Variants in ARHGEF40 observed in about 807,000 individuals in gnomAD.
ARHGEF40 encodes Rho guanine nucleotide exchange factor 40, also known as Rho guanine nucleotide exchange factor (GEF) 40.
Under a neutral mutation model 165.9 loss-of-function variants are expected in ARHGEF40, and 98 were observed. The ratio of observed to expected loss-of-function variants is 0.59; its 90% CI spans 0.50 to 0.70. The LOEUF is 0.70. Among genes scored for constraint, ARHGEF40 ranks in the 30% least tolerant of loss-of-function variants. ARHGEF40 has a pLI of 0.00. For synonymous variants in ARHGEF40, 792 were observed against 814.3 expected (o/e 0.97, Z 0.47); for missense variants, 1,815 against 1,968.0 (o/e 0.92, Z 1.47).
chr14:21,085,537 G>C (rs1888264038), intron 18 of ARHGEF40, 152 bp from the exon 19 acceptor site: 2 of 872,486 alleles, frequency 2.3e-6, no homozygotes, highest in Non-Finnish European at 3.4e-6. Flanking sequence ...TTGTTACGAA[G>C]ACTAAACGTA....
At position 21,090,071 on chromosome 14, in the gene ARHGEF40, C is replaced by T. The variant is rs1489052575; in HGVS notation, c.*1063C>T. The T allele has an allele frequency of 1.9e-5, 6 of 324,232 alleles. No homozygotes were observed. In the Admixed American group the frequency reaches 2.2e-4, roughly 12 times the overall value. The allele number at this position is 324,232 out of a possible 1,614,324, so 20.1% of individuals were successfully genotyped here. A position where few individuals can be genotyped will look rare whatever the true frequency, so the allele number is the denominator to read the frequency against. On this transcript the variant is annotated 3_prime_UTR_variant, in exon 24 of 24. Transcript: ENST00000298694. The surrounding 1 kb of genome is among the most constrained non-coding windows in gnomAD (Gnocchi z 4.4). ...CAGGACATAGGTAGGCAGACAGACACAGGGCCCTGTGCCTCAAGACACCTG... is the reference window on the plus strand; with the variant it reads ...CAGGACATAGGTAGGCAGACAGACATAGGGCCCTGTGCCTCAAGACACCTG...
At position 21,088,073 on chromosome 14, in the gene ARHGEF40, G is replaced by C. The variant is rs114938147; in HGVS notation, c.4493G>C (p.Arg1498Pro). The part of the protein sequence containing the change: ...PGSSTPTLAS[R>P]GILGLSRQSH... ...AGCAGCACTCCCACCCTGGCCAGTCGAGGGATCTTAGGGCTATCCCGACAG... is the reference window on the plus strand; with the variant it reads ...AGCAGCACTCCCACCCTGGCCAGTCCAGGGATCTTAGGGCTATCCCGACAG... The change falls in exon 22 of 24, where the codon CGA becomes CCA. Residue 1498 changes from arginine (R) to proline (P), a missense_variant. Arg to Pro is a moderately radical substitution (Grantham distance 103, BLOSUM62 -2). Transcript: ENST00000298694. The C allele has an allele frequency of 6.2e-7, 1 of 1,613,386 alleles. No individual in the cohort carries two copies. The highest frequency in any genetic ancestry group is 1.3e-5 in the African/African-American group (1 of 74,890).
At chr14:21,063,867 G>A in the ARHGEF40 span, among the ~76,000 whole-genome samples, 4 of 152,202 alleles carry the variant, frequency 2.6e-5, no homozygotes, top group Non-Finnish European at 5.9e-5. Context: ...CAGTGAGAGG[G>A]AATTTACCTA....
the ARHGEF40 span, among the ~76,000 whole-genome samples, chr14:21,063,170 CA>C: frequency 5.9e-5 from 9 of 151,668 alleles, no homozygotes; most frequent in Non-Finnish European, 8.8e-5. Flanking sequence ...GGATTTTAAG[CA>C]ACCAGTTTCT....
intron 15 of ARHGEF40, 93 bp downstream of exon 15, chr14:21,082,571 C>A: frequency 7.3e-7 from 1 of 1,364,308 alleles, no homozygotes; most frequent in Non-Finnish European, 9.8e-7. Context: ...ACGGCCCTCT[C>A]CTCCCATGTG....
chr14:21,070,331 G>C lies in ARHGEF40; in HGVS notation c.-66G>C. On this transcript the variant is annotated 5_prime_UTR_variant, in exon 1 of 24. Coordinates refer to ENST00000298694, the MANE Select transcript of ARHGEF40 (RefSeq NM_018071.5). This position sits in a 1 kb window ranked among gnomAD's most constrained non-coding sequence, Gnocchi z 4.7. The stretch of plus-strand genomic sequence containing the variant: ...ACCCGGCGAGACACGAGCGGCGGGA[G>C]GGAGGCGGTGGCGCGCCCGGCCCCG... The C allele has an allele frequency of 7.2e-7, 1 of 1,395,658 alleles. No homozygotes were observed. The highest frequency in any genetic ancestry group is 9.3e-7 in the Non-Finnish European group (1 of 1,079,004). 86.5% of individuals were successfully genotyped at this position (1,395,658 alleles called of 1,614,324 possible).
chr14:21,068,280 T>C (rs1232163890), upstream of ARHGEF40, among the ~76,000 whole-genome samples: 1 of 12,230 alleles, frequency 8.2e-5, no homozygotes, highest in African/African-American at 1.2e-4. Context: ...ATTACAGGCG[T>C]GAGCCACCGC....
At chr14:21,068,419 C>T (rs1186020673), upstream of ARHGEF40, among the ~76,000 whole-genome samples, 1 of 151,948 alleles carries the variant, frequency 6.6e-6, no homozygotes, top group Admixed American at 6.6e-5. Context: ...CCTTGGAGTC[C>T]AATGGACAAC....
chr14:21,070,867 G>A lies in ARHGEF40; in HGVS notation c.3+468G>A. 6.5e-7 allele frequency: 1 copy of A among 1,535,608 alleles called. No homozygotes were observed. Among genetic ancestry groups the A allele is most frequent in the Non-Finnish European group, 8.7e-7 (1 of 1,146,838 alleles). ...CATTTTCCATCCCTGTCCCCAACCC[G>A]GTGAGGCAGGCCCACCCATCCGGCC... On this transcript the variant is annotated intron_variant, in intron 1 of 23. Coordinates refer to ENST00000298694, the MANE Select transcript of ARHGEF40 (RefSeq NM_018071.5). This position sits in a 1 kb window ranked among gnomAD's most constrained non-coding sequence, Gnocchi z 4.7.
upstream of ARHGEF40, among the ~76,000 whole-genome samples, chr14:21,069,240 A>G (rs1281098731): frequency 2.0e-5 from 3 of 152,138 alleles, no homozygotes; most frequent in Non-Finnish European, 4.4e-5. Context: ...TCTCATTCAG[A>G]CACTGTCGGG....
rs749040417 is a variant in ARHGEF40 at position 21,082,351 on chromosome 14, G to A, written c.3359G>A (p.Arg1120Gln). ...PPGPELTPEL[R>Q]GTWAAALSAR... ...GGGCCTGAGCTGACGCCTGAACTTCGGGGCACCTGGGCTGCTGCCCTGAGT... is the reference window on the plus strand; with the variant it reads ...GGGCCTGAGCTGACGCCTGAACTTCAGGGCACCTGGGCTGCTGCCCTGAGT... Residue 1120 changes from arginine to glutamine, a missense_variant, in exon 15 of 24, where the codon CGG (arginine) becomes CAG (glutamine). Physicochemically the swap from Arg to Gln is conservative, Grantham distance 43 (BLOSUM62 1). Coordinates refer to ENST00000298694, the MANE Select transcript of ARHGEF40 (RefSeq NM_018071.5). 23 of 1,612,082 alleles carry A rather than the reference G, an allele frequency of 1.4e-5. No individual in the cohort carries two copies. The highest frequency in any genetic ancestry group is 4.4e-5 in the South Asian group (4 of 91,062).
intron 21 of ARHGEF40, 169 bp downstream of exon 21, chr14:21,087,632 T>C: frequency 1.1e-6 from 1 of 945,962 alleles, no homozygotes; most frequent in East Asian, 2.6e-5. Flanking sequence ...GCTAGGGTGA[T>C]GCTTACAACA....
At position 21,075,830 on chromosome 14, in the gene ARHGEF40, C is replaced by T. The variant is rs1887375559; in HGVS notation, c.1739+65C>T. 6.4e-7 allele frequency: 1 copy of T among 1,570,438 alleles called. No individual in the cohort carries two copies. Among genetic ancestry groups the T allele is most frequent in the East Asian group, 2.2e-5 (1 of 44,446 alleles). Reference sequence around the variant, plus strand: ...CCTGATTCATGAGGACCCTCACCTCCTTCTTCTCAGGACACTGACCTTCTG... The same window carrying T: ...CCTGATTCATGAGGACCCTCACCTCTTTCTTCTCAGGACACTGACCTTCTG... On this transcript the variant is annotated intron_variant, in intron 5 of 23. Coordinates refer to ENST00000298694, the MANE Select transcript of ARHGEF40 (RefSeq NM_018071.5). The surrounding 1 kb of genome is among the most constrained non-coding windows in gnomAD (Gnocchi z 4.5).
intron 16 of ARHGEF40, among the ~76,000 whole-genome samples, 167 bp downstream of exon 16, chr14:21,083,084 A>G (rs1484311484): frequency 6.6e-6 from 1 of 152,168 alleles, no homozygotes; most frequent in Non-Finnish European, 1.5e-5. Context: ...TGGTGAGGCC[A>G]GGTTCTTATC....
chr14:21,079,432 TC>T (rs1456627400), intron 11 of ARHGEF40, among the ~76,000 whole-genome samples: 3 of 152,092 alleles, frequency 2.0e-5, no homozygotes, highest in African/African-American at 7.2e-5. Context: ...GCCGGAAAGG[TC>T]CCACCTCCCT....
chr14:21,090,193 C>T lies in ARHGEF40; in HGVS notation c.*1185C>T, dbSNP rs1178821774. Reference sequence around the variant, plus strand: ...CTGATGGGGCTAGAAGGGTACAGTGCCCCCCACCCTCACCCCTTGTACAAA... The same window carrying T: ...CTGATGGGGCTAGAAGGGTACAGTGTCCCCCACCCTCACCCCTTGTACAAA... On this transcript the variant is annotated 3_prime_UTR_variant, in exon 24 of 24. Transcript: ENST00000298694. This position sits in a 1 kb window ranked among gnomAD's most constrained non-coding sequence, Gnocchi z 4.4. The T allele has an allele frequency of 7.4e-6, 4 of 543,140 alleles. No individual in the cohort carries two copies. Among genetic ancestry groups the T allele is most frequent in the Non-Finnish European group, 1.4e-5 (4 of 283,142 alleles). The allele number at this position is 543,140 out of a possible 1,614,324, so 33.6% of individuals were successfully genotyped here.
chr14:21,068,246 G>A (rs1168474831), upstream of ARHGEF40, among the ~76,000 whole-genome samples: 15 of 12,312 alleles, frequency 1.2e-3, 4 homozygotes, highest in Admixed American at 5.1e-3. Flanking sequence ...TGATCCGCCC[G>A]CCTCGGCCTC....
In ARHGEF40 at chr14:21,076,545, A is replaced by T; in HGVS notation, c.1837-18A>T. The T allele has an allele frequency of 1.9e-6, 3 of 1,614,186 alleles. No individual in the cohort carries two copies. The South Asian group carries it at 3.3e-5, about 18-fold the overall frequency. The stretch of plus-strand genomic sequence containing the variant: ...ACACCCGATTGCCCAGTTTAGGGTT[A>T]TTCTTTTCTGCCCTTAGGACTCAGG... On this transcript the variant is annotated intron_variant, in intron 6 of 23. Transcript: ENST00000298694.
At position 21,076,598 on chromosome 14, in the gene ARHGEF40, G is replaced by T. The variant is rs141336660; in HGVS notation, c.1872G>T (p.Leu624=). 1.9e-6 allele frequency: 3 copies of T among 1,614,102 alleles called. No individual in the cohort carries two copies. In the African/African-American group the frequency reaches 4.0e-5, roughly 22 times the overall value. ...SGDPPLVQRL[L]ILIHDDLPTE... ...ATCCTCCCCTTGTTCAGCGGCTGCTGATTCTCATTCATGATGACCTTCCAA... is the reference window on the plus strand; with the variant it reads ...ATCCTCCCCTTGTTCAGCGGCTGCTTATTCTCATTCATGATGACCTTCCAA... The change falls in exon 7 of 24, where the codon CTG becomes CTT. Residue 624 remains leucine (L), a synonymous_variant. Transcript: ENST00000298694.
Sources: allele counts gnomAD v4.1 joint callset (sites outside exome capture counted in the v4.1 genomes callset), GRCh38; gene constraint gnomAD v4.1.1; non-coding constraint Gnocchi (gnomAD v3.1); transcripts MANE v1.5; gene names NCBI Gene and HGNC (gene_info 2026-07-23, HGNC 2026-07-21).